ERGIC1: variants seen among roughly 807,000 people sequenced by gnomAD.
ERGIC1 encodes the protein endoplasmic reticulum-golgi intermediate compartment 1.
In ERGIC1, 19 loss-of-function variants were observed where a neutral mutation model predicts 38.3. The ratio of observed to expected loss-of-function variants is 0.50; its 90% CI spans 0.35 to 0.73. The LOEUF (loss-of-function observed/expected upper bound fraction) is 0.73. ERGIC1 is among the 30% of genes least tolerant of loss of function. The pLI is 0.01. For synonymous variants in ERGIC1, 124 were observed against 157.6 expected (o/e 0.79, Z 1.60); for missense variants, 294 against 389.2 (o/e 0.76, Z 2.06).
rs1581497283 is a variant in ERGIC1 at position 172,834,360 on chromosome 5, C to G, written c.-54C>G. On this transcript the variant is annotated 5_prime_UTR_variant, in exon 1 of 10. Transcript: ENST00000393784. The surrounding 1 kb of genome is among the most constrained non-coding windows in gnomAD (Gnocchi z 4.1). ...GGCGTTGGCAGCGGGCTCGGACCCA[C>G]GCGGCGCCGCGGCCCGCCTGGCCTG... 8.0e-7 allele frequency: 1 copy of G among 1,257,182 alleles called. No individual in the cohort carries two copies. The highest frequency in any genetic ancestry group is 1.0e-6 in the Non-Finnish European group (1 of 1,001,124). 77.9% of individuals were successfully genotyped at this position (1,257,182 alleles called of 1,614,324 possible).
chr5:172,849,653 T>TA (rs1294879413), intron 1 of ERGIC1, among the ~76,000 whole-genome samples: 2 of 152,160 alleles, frequency 1.3e-5, no homozygotes, highest in Non-Finnish European at 2.9e-5. Context: ...TTGAATCCCT[T>TA]ACGTTTTCCA....
chr5:172,835,585 G>A (rs1352191968), intron 1 of ERGIC1, among the ~76,000 whole-genome samples: 2 of 152,218 alleles, frequency 1.3e-5, no homozygotes, highest in African/African-American at 4.8e-5. Flanking sequence ...TCAGATGCCT[G>A]TGCCACAGGA....
rs199504594 is a variant in ERGIC1 at position 172,931,377 on chromosome 5, G to A, written c.542-1059G>A. Among the ~76,000 whole-genome samples, 10 of 152,232 alleles carry A rather than the reference G, an allele frequency of 6.6e-5. No homozygotes were observed. In the East Asian group the frequency reaches 1.9e-3, roughly 29 times the overall value. On this transcript the variant is annotated intron_variant, in intron 7 of 9. Transcript: ENST00000393784. ...CCCCTGTCCAATCATCCTTCCATCC[G>A]TTCATTCATTCAGTAAGCATTTGCC...
chr5:172,845,083 G>A (rs1761254415), intron 1 of ERGIC1, among the ~76,000 whole-genome samples: 2 of 152,100 alleles, frequency 1.3e-5, no homozygotes, highest in African/African-American at 2.4e-5. Flanking sequence ...CAAACAGCAG[G>A]TGATGCCGCT....
intron 1 of ERGIC1, among the ~76,000 whole-genome samples, chr5:172,835,319 A>T (rs1014928265): frequency 5.3e-5 from 8 of 152,230 alleles, no homozygotes; most frequent in African/African-American, 1.9e-4. Context: ...AGCTCGGTAT[A>T]TTCTAGAAGT....
intron 6 of ERGIC1, among the ~76,000 whole-genome samples, chr5:172,925,992 G>A (rs2113456218): frequency 6.6e-6 from 1 of 152,302 alleles, no homozygotes; most frequent in Admixed American, 6.5e-5. Context: ...ACATGATGGG[G>A]GGCCCACAGC....
chr5:172,891,031 A>G (rs1228207405), intron 2 of ERGIC1, among the ~76,000 whole-genome samples: 1 of 152,218 alleles, frequency 6.6e-6, no homozygotes, highest in East Asian at 1.9e-4. Flanking sequence ...AGTGTGACTG[A>G]GCAAGTCACT....
Position 172,908,652 on chromosome 5 carries a change from A to G in ERGIC1, c.156-1015A>G, listed in dbSNP as rs539051740. 2.0e-5 allele frequency among the ~76,000 whole-genome samples: 3 copies of G among 152,232 alleles called. No individual in the cohort carries two copies. In the East Asian group the frequency reaches 5.8e-4, roughly 30 times the overall value. On this transcript the variant is annotated intron_variant, in intron 3 of 9. Coordinates refer to ENST00000393784, the MANE Select transcript of ERGIC1 (RefSeq NM_001031711.3). ...CTTTGGAACTGGGAGAAGGGGCCAC[A>G]AGCCTAGGCAGCGCCTAGAAGCTGA...
intron 1 of ERGIC1, among the ~76,000 whole-genome samples, chr5:172,860,797 G>A (rs1761678512): frequency 1.3e-5 from 2 of 152,200 alleles, no homozygotes; most frequent in Non-Finnish European, 2.9e-5. Context: ...AGTCCAGGGT[G>A]TTAGCCACGC....
chr5:172,860,996 C>G (rs1173631038), intron 1 of ERGIC1, among the ~76,000 whole-genome samples: 1 of 152,150 alleles, frequency 6.6e-6, no homozygotes, highest in Admixed American at 6.5e-5. Context: ...GGGTGAAACT[C>G]ATCCACCCTC....
intron 1 of ERGIC1, among the ~76,000 whole-genome samples, chr5:172,835,335 G>T (rs1376886150): frequency 6.6e-6 from 1 of 152,176 alleles, no homozygotes; most frequent in Non-Finnish European, 1.5e-5. Context: ...GAAGTTAGGG[G>T]CAAAGGCTCT....
At chr5:172,839,689 T>C (rs1761113862) in intron 1 of ERGIC1, among the ~76,000 whole-genome samples, 2 of 152,104 alleles carry the variant, frequency 1.3e-5, no homozygotes, top group Admixed American at 6.5e-5. Context: ...AAAAGGCCAG[T>C]ATTTCGGGTT....
intron 5 of ERGIC1, among the ~76,000 whole-genome samples, chr5:172,923,410 A>G (rs1012570415): frequency 1.3e-5 from 2 of 151,990 alleles, no homozygotes; most frequent in Admixed American, 6.5e-5. Context: ...TGAAACAAGG[A>G]GAAGCTGCAG....
chr5:172,847,461 A>G (rs565967620), intron 1 of ERGIC1, among the ~76,000 whole-genome samples: 25 of 152,272 alleles, frequency 1.6e-4, no homozygotes, highest in Admixed American at 1.2e-3. Flanking sequence ...TTCTGCTACT[A>G]TCATCATAAT....
chr5:172,908,214 GA>G (rs1763085302), intron 3 of ERGIC1, among the ~76,000 whole-genome samples: 1 of 148,394 alleles, frequency 6.7e-6, no homozygotes. Flanking sequence ...TGGACTGGAT[GA>G]AATCACAAGA....
intron 8 of ERGIC1, chr5:172,932,772 C>T (rs375313454): frequency 1.2e-4 from 62 of 537,492 alleles, no homozygotes; most frequent in African/African-American, 1.0e-3. Flanking sequence ...GGGTGTGATG[C>T]GTTTGACAAA....
intron 2 of ERGIC1, among the ~76,000 whole-genome samples, chr5:172,891,054 C>A (rs987897772): frequency 6.6e-6 from 1 of 152,216 alleles, no homozygotes; most frequent in Non-Finnish European, 1.5e-5. Context: ...CCTCTCTGAG[C>A]CTCAGTTTCC....
intron 1 of ERGIC1, chr5:172,867,099 G>T: frequency 4.5e-6 from 2 of 443,612 alleles, no homozygotes; most frequent in South Asian, 3.2e-5. Flanking sequence ...GCAGACCTTG[G>T]CTTGGCTTCA....
intron 7 of ERGIC1, among the ~76,000 whole-genome samples, chr5:172,930,183 G>A (rs1243262944): frequency 1.5e-4 from 15 of 98,632 alleles, no homozygotes; most frequent in Non-Finnish European, 2.2e-4. Context: ...GTGAAACTCC[G>A]TTTCAAAAAA....
Sources: allele counts gnomAD v4.1 joint callset (sites outside exome capture counted in the v4.1 genomes callset), GRCh38; gene constraint gnomAD v4.1.1; non-coding constraint Gnocchi (gnomAD v3.1); transcripts MANE v1.5; gene names NCBI Gene and HGNC (gene_info 2026-07-23, HGNC 2026-07-21).